Variants in RSBN1L observed in about 807,000 individuals in gnomAD.
RSBN1L encodes lysine-specific demethylase RSBN1L.
Under a neutral mutation model 67.7 loss-of-function variants are expected in RSBN1L, and 30 were observed. The observed-to-expected ratio is 0.44, with a 90% CI of 0.33 to 0.60. RSBN1L has a LOEUF of 0.60. Ranked by LOEUF, RSBN1L falls within the 20% of genes least tolerant of loss-of-function variation. RSBN1L has a pLI of 0.02. For missense variants in RSBN1L, 992 were observed against 1,031.7 expected, an observed-to-expected ratio of 0.96 and a Z score of 0.53; for synonymous variants, 433 against 387.0, an observed-to-expected ratio of 1.12 and a Z score of -1.39.
At chr7:77,750,460 A>T (rs1791543264) in intron 3 of RSBN1L, among the ~76,000 whole-genome samples, 1 of 152,160 alleles carries the variant, frequency 6.6e-6, no homozygotes, top group Non-Finnish European at 1.5e-5. Flanking sequence ...CAGGCCCATC[A>T]CATGGTAGGT....
At position 77,742,182 on chromosome 7, in the gene RSBN1L, TACACACACACAC is replaced by T. The variant is rs1169498942; in HGVS notation, c.703+5681_703+5692del. On this transcript the variant is annotated intron_variant, in intron 2 of 7. Transcript: ENST00000334955. ...CCATCTTTAAAAAAAAAAAAAAAAA[TACACACACACAC>T]ACACACACACACACACACACACACG... Among the ~76,000 whole-genome samples, 446 of 80,310 alleles carry T rather than the reference TACACACACACAC, an allele frequency of 5.6e-3. 2 individuals carry two copies. The highest frequency in any genetic ancestry group is 0.023 in the African/African-American group (402 of 17,154). 52.7% of individuals were successfully genotyped at this position (80,310 alleles called of 152,430 possible). A position where few individuals can be genotyped will look rare whatever the true frequency, so the allele number is the denominator to read the frequency against.
chr7:77,778,270 A>T, intron 6 of RSBN1L, 68 bp from the exon 7 acceptor site: 2 of 1,060,884 alleles, frequency 1.9e-6, no homozygotes, highest in Admixed American at 2.3e-5. Flanking sequence ...TTTTGCTTTG[A>T]GTTTAATAAG....
intron 5 of RSBN1L, 38 bp downstream of exon 5, chr7:77,768,841 G>A (rs545816940): frequency 6.3e-7 from 1 of 1,593,644 alleles, no homozygotes; most frequent in East Asian, 2.2e-5. Context: ...GGGGATGAGT[G>A]TTTGTATGTT....
chr7:77,736,434 A>G lies in RSBN1L; in HGVS notation c.611A>G (p.Glu204Gly), dbSNP rs763787384. 1.8e-6 allele frequency: 2 copies of G among 1,094,458 alleles called. No homozygotes were observed. Among genetic ancestry groups the G allele is most frequent in the Non-Finnish European group, 2.6e-6 (2 of 778,568 alleles). The allele number at this position is 1,094,458 out of a possible 1,614,324, so 67.8% of individuals were successfully genotyped here. A position where few individuals can be genotyped will look rare whatever the true frequency, so the allele number is the denominator to read the frequency against. The change falls in exon 2 of 8, where the codon GAG becomes GGG. Residue 204 changes from glutamate (E) to glycine (G), a missense_variant. By Grantham distance (98) the Glu-to-Gly change is moderately conservative. Coordinates refer to ENST00000334955, the MANE Select transcript of RSBN1L (RefSeq NM_198467.3). ...GATAAAATCAAAGACAAAATTAAAG[A>G]GAGAGACAAAGAAAAAGAAAGAGAA... ...PRDKIKDKIK[E>G]RDKEKEREKK...
At chr7:77,767,717 TCTCGC>T (rs1208531554) in intron 4 of RSBN1L, among the ~76,000 whole-genome samples, 53 of 115,966 alleles carry the variant, frequency 4.6e-4, no homozygotes, top group Non-Finnish European at 7.1e-4. Context: ...CACCTCTGTC[TCTCGC>T]CTCGCCTCCC....
intron 1 of RSBN1L, among the ~76,000 whole-genome samples, chr7:77,712,177 AATG>A (rs1790983988): frequency 6.6e-6 from 1 of 152,164 alleles, no homozygotes; most frequent in Non-Finnish European, 1.5e-5. Context: ...CTGTTGTTTT[AATG>A]ATTACATTTT....
At chr7:77,710,667 C>G (rs1256776112) in intron 1 of RSBN1L, among the ~76,000 whole-genome samples, 1 of 152,116 alleles carries the variant, frequency 6.6e-6, no homozygotes, top group African/African-American at 2.4e-5. Flanking sequence ...GCGATCTTGG[C>G]TCACCGTAAA....
At chr7:77,765,352 CATTAT>C in intron 3 of RSBN1L, 138 bp from the exon 4 acceptor site, 1 of 655,120 alleles carries the variant, frequency 1.5e-6, no homozygotes, top group Non-Finnish European at 2.3e-6. Context: ...TTGCTTGCCT[CATTAT>C]GATATAATAT....
At chr7:77,767,117 T>C (rs1050258573) in intron 4 of RSBN1L, among the ~76,000 whole-genome samples, 2 of 143,300 alleles carry the variant, frequency 1.4e-5, no homozygotes, top group Non-Finnish European at 1.5e-5. Context: ...TTTCTTTCGA[T>C]GGGGTCCTGC....
chr7:77,749,402 C>T (rs1791524291), intron 2 of RSBN1L, 22 bp from the exon 3 acceptor site: 1 of 1,491,686 alleles, frequency 6.7e-7, no homozygotes, highest in African/African-American at 1.4e-5. Flanking sequence ...TATGGAGTTT[C>T]AAAAAACATT....
At chr7:77,709,321 C>T (rs1323641392) in intron 1 of RSBN1L, among the ~76,000 whole-genome samples, 1 of 151,782 alleles carries the variant, frequency 6.6e-6, no homozygotes, top group Non-Finnish European at 1.5e-5. Flanking sequence ...ACAGAGTCTT[C>T]CTGTGTCACC....
chr7:77,715,596 T>C (rs373114941), intron 1 of RSBN1L, among the ~76,000 whole-genome samples: 3 of 152,202 alleles, frequency 2.0e-5, no homozygotes, highest in African/African-American at 7.2e-5. Context: ...GGCACGACAC[T>C]GTGCCTGGCC....
chr7:77,699,858 G>A (rs1181434733), intron 1 of RSBN1L, among the ~76,000 whole-genome samples: 1 of 151,252 alleles, frequency 6.6e-6, no homozygotes, highest in South Asian at 2.1e-4. Flanking sequence ...GTGCAGTGGC[G>A]CGATCTCGGC....
chr7:77,764,715 C>T (rs1176498005), intron 3 of RSBN1L, among the ~76,000 whole-genome samples: 1 of 152,060 alleles, frequency 6.6e-6, no homozygotes, highest in Non-Finnish European at 1.5e-5. Flanking sequence ...CAAGCTCCGC[C>T]ACCCAGGTTC....
At chr7:77,742,400 CA>C (rs761961686) in intron 2 of RSBN1L, among the ~76,000 whole-genome samples, 10 of 152,132 alleles carry the variant, frequency 6.6e-5, no homozygotes, top group Non-Finnish European at 1.5e-4. Flanking sequence ...ATTGTGACAA[CA>C]CATGTGAAAT....
intron 1 of RSBN1L, among the ~76,000 whole-genome samples, chr7:77,719,782 A>G (rs995372351): frequency 6.6e-6 from 1 of 152,168 alleles, no homozygotes; most frequent in Non-Finnish European, 1.5e-5. Context: ...AATTTTTTTT[A>G]GAGACAAGGT....
At chr7:77,714,958 C>CAAAAAA in intron 1 of RSBN1L, among the ~76,000 whole-genome samples, 1 of 91,500 alleles carries the variant, frequency 1.1e-5, no homozygotes, top group South Asian at 3.6e-4. Context: ...GACTCCATCT[C>CAAAAAA]AAAAAAAAAA....
chr7:77,705,085 C>G (rs1470224081), intron 1 of RSBN1L, among the ~76,000 whole-genome samples: 1 of 152,050 alleles, frequency 6.6e-6, no homozygotes, highest in African/African-American at 2.4e-5. Flanking sequence ...ATCTTAACCC[C>G]CATACTATCA....
rs1792017173 is a variant in RSBN1L, at chr7:77,782,860, T to G, written c.*3692T>G. On this transcript the variant is annotated 3_prime_UTR_variant, in exon 8 of 8. Transcript: ENST00000334955. ...TTTGTAAATAATAAACTAGCACCGT[T>G]TGGGTAAATTTGCATTATTTTTTGG... 1.3e-5 allele frequency: 2 copies of G among 152,178 alleles called. No homozygotes were observed. The highest frequency in any genetic ancestry group is 2.9e-5 in the Non-Finnish European group (2 of 68,016). 9.4% of individuals were successfully genotyped at this position (152,178 alleles called of 1,614,324 possible). A position where few individuals can be genotyped will look rare whatever the true frequency, so the allele number is the denominator to read the frequency against.
Sources: gnomAD v4.1 joint callset for allele counts (sites outside exome capture counted in the v4.1 genomes callset) on GRCh38, gnomAD v4.1.1 for gene constraint, MANE v1.5 for transcripts, NCBI Gene and HGNC (gene_info 2026-07-23, HGNC 2026-07-21) for gene names.